The following ASAP2 variants were observed in gnomAD, a reference collection of about 807,000 sequenced individuals.
ASAP2 encodes ArfGAP with SH3 domain, ankyrin repeat and PH domain 2, also known as arf-GAP with SH3 domain, ANK repeat and PH domain-containing protein 2.
ASAP2 carries 45 observed loss-of-function variants against 131.4 expected under a neutral mutation model. The observed-to-expected ratio is 0.34, with a 90% CI of 0.27 to 0.44. The LOEUF (loss-of-function observed/expected upper bound fraction) is 0.44, where lower values mean the gene tolerates loss of function less well. ASAP2 is among the 20% of genes least tolerant of loss of function. The pLI is 1.00. For synonymous variants in ASAP2, 510 were observed against 503.0 expected (o/e 1.01, Z -0.19); for missense variants, 1,011 against 1,297.0 (o/e 0.78, Z 3.39).
At chr2:9,251,128 G>C (rs1182191512) in intron 1 of ASAP2, among the ~76,000 whole-genome samples, 2 of 152,232 alleles carry the variant, frequency 1.3e-5, no homozygotes, top group African/African-American at 4.8e-5. Context: ...GACGGGAGTG[G>C]AGCGTGGAGG....
At chr2:9,212,660 G>A (rs757525385) in intron 1 of ASAP2, among the ~76,000 whole-genome samples, 1 of 152,096 alleles carries the variant, frequency 6.6e-6, no homozygotes, top group Non-Finnish European at 1.5e-5. Flanking sequence ...GCATATACAT[G>A]CATTCCAGGC....
rs1233263121 is a variant in ASAP2 at position 9,400,048 on chromosome 2, A to G, written c.2710A>G (p.Asn904Asp). ...PGADKSTPLT[N>D]KGQPRGPVDL... The stretch of plus-strand genomic sequence containing the variant: ...GGCTGACAAGTCCACCCCACTGACC[A>G]ACAAAGGCCAACCGAGAGGACCTGG... Residue 904 changes from asparagine (N) to aspartate (D), a missense_variant, in exon 25 of 28, where the codon AAC (asparagine) becomes GAC (aspartate). Physicochemically the swap from Asn to Asp is conservative, Grantham distance 23. This residue lies in a region of ASAP2 where 652 missense variants were observed against 698.9 expected (regional missense o/e 0.93). Coordinates refer to ENST00000281419, the MANE Select transcript of ASAP2 (RefSeq NM_003887.3). The G allele has an allele frequency of 6.2e-7, 1 of 1,613,326 alleles. No individual in the cohort carries two copies. The highest frequency in any genetic ancestry group is 8.5e-7 in the Non-Finnish European group (1 of 1,179,772).
intron 17 of ASAP2, 70 bp downstream of exon 17, chr2:9,375,014 C>G: frequency 7.0e-7 from 1 of 1,430,452 alleles, no homozygotes; most frequent in Non-Finnish European, 9.3e-7. Flanking sequence ...TGCCTGGGAT[C>G]CAGTACTTTA....
At chr2:9,231,783 C>T (rs1488594592) in intron 1 of ASAP2, among the ~76,000 whole-genome samples, 3 of 152,194 alleles carry the variant, frequency 2.0e-5, no homozygotes, top group Non-Finnish European at 4.4e-5. Flanking sequence ...TGTGCCGTCT[C>T]GCATGCCATC....
chr2:9,341,540 C>T (rs759332567), intron 9 of ASAP2, among the ~76,000 whole-genome samples: 7 of 152,148 alleles, frequency 4.6e-5, no homozygotes, highest in African/African-American at 9.7e-5. Flanking sequence ...GATTAATATG[C>T]GCGGCACGAA....
intron 3 of ASAP2, among the ~76,000 whole-genome samples, chr2:9,317,542 T>C (rs1669832488): frequency 7.7e-6 from 1 of 130,084 alleles, no homozygotes; most frequent in African/African-American, 3.2e-5. Context: ...ATCCACACAA[T>C]CTCTCACATC....
intron 1 of ASAP2, among the ~76,000 whole-genome samples, chr2:9,219,542 C>T (rs1368158558): frequency 6.6e-6 from 1 of 152,002 alleles, no homozygotes; most frequent in Non-Finnish European, 1.5e-5. Flanking sequence ...GAACAAAAAT[C>T]AGCCAGGAAT....
chr2:9,388,153 C>G, intron 21 of ASAP2, 141 bp from the exon 22 acceptor site: 1 of 1,047,500 alleles, frequency 9.5e-7, no homozygotes, highest in Non-Finnish European at 1.4e-6. Flanking sequence ...ACTTGTAGCT[C>G]TCAGGCAACA....
At chr2:9,270,785 ATTTTTTTTTT>A (rs35913703) in intron 1 of ASAP2, among the ~76,000 whole-genome samples, 5 of 52,928 alleles carry the variant, frequency 9.4e-5, no homozygotes, top group Non-Finnish European at 1.7e-4. Flanking sequence ...AATTGTTTTC[ATTTTTTTTTT>A]TTTTTTTTTT....
intron 2 of ASAP2, among the ~76,000 whole-genome samples, chr2:9,293,862 T>C (rs1667979983): frequency 1.3e-5 from 2 of 152,184 alleles, no homozygotes; most frequent in African/African-American, 4.8e-5. Flanking sequence ...AAGACAGTGC[T>C]GATTGCAGTG....
rs529530220 is a variant in ASAP2, at chr2:9,395,836, T to A, written c.2684+2189T>A. 3.9e-5 allele frequency among the ~76,000 whole-genome samples: 6 copies of A among 152,132 alleles called. No homozygotes were observed. The East Asian group carries it at 1.2e-3, about 30-fold the overall frequency. ...GTTAGCCAGGATGGTCTCAATCTCCTGACCTCGTGATCTGCCCTCCTCGGC... is the reference window on the plus strand; with the variant it reads ...GTTAGCCAGGATGGTCTCAATCTCCAGACCTCGTGATCTGCCCTCCTCGGC... On this transcript the variant is annotated intron_variant, in intron 24 of 27. Coordinates refer to ENST00000281419, the MANE Select transcript of ASAP2 (RefSeq NM_003887.3).
At chr2:9,334,969 A>T in intron 8 of ASAP2, 124 bp from the exon 9 acceptor site, 1 of 1,332,806 alleles carries the variant, frequency 7.5e-7, no homozygotes, top group Non-Finnish European at 1.1e-6. Context: ...GTGGGAGGGA[A>T]GGTTTGACCA....
intron 2 of ASAP2, among the ~76,000 whole-genome samples, chr2:9,294,251 G>C (rs770688632): frequency 3.9e-5 from 6 of 151,924 alleles, no homozygotes; most frequent in African/African-American, 1.5e-4. Flanking sequence ...CACCTGTCTC[G>C]GCCTCCCAAA....
chr2:9,403,228 C>T (rs775844483), intron 27 of ASAP2, 25 bp from the exon 28 acceptor site: 3 of 1,608,416 alleles, frequency 1.9e-6, no homozygotes, highest in South Asian at 1.1e-5. Context: ...ATTTTAATAA[C>T]AACCTACACT....
At chr2:9,256,501 G>A (rs1032546292) in intron 1 of ASAP2, among the ~76,000 whole-genome samples, 1 of 152,220 alleles carries the variant, frequency 6.6e-6, no homozygotes, top group Non-Finnish European at 1.5e-5. Flanking sequence ...AGGACTGCAA[G>A]GAGATATTAG....
At chr2:9,284,557 A>T (rs188066547) in intron 2 of ASAP2, among the ~76,000 whole-genome samples, 51 of 152,330 alleles carry the variant, frequency 3.3e-4, no homozygotes, top group Admixed American at 2.9e-3. Context: ...CAATTTCCTC[A>T]TGTGTAAAAT....
intron 5 of ASAP2, among the ~76,000 whole-genome samples, chr2:9,322,488 G>T (rs575500714): frequency 6.6e-6 from 1 of 150,848 alleles, no homozygotes; most frequent in Non-Finnish European, 1.5e-5. Context: ...AAAAACTCAC[G>T]GCTATTTCAA....
chr2:9,306,815 C>T (rs1558315463), intron 3 of ASAP2, among the ~76,000 whole-genome samples: 1 of 150,434 alleles, frequency 6.6e-6, no homozygotes, highest in African/African-American at 2.4e-5. Context: ...CATATCAGTG[C>T]CCATATACTC....
chr2:9,295,268 A>T (rs1250338505), intron 2 of ASAP2, among the ~76,000 whole-genome samples: 1 of 152,242 alleles, frequency 6.6e-6, no homozygotes, highest in Admixed American at 6.5e-5. Flanking sequence ...CAGCTCTGCC[A>T]CTTTCTGTGT....
Sources: allele counts gnomAD v4.1 joint callset (sites outside exome capture counted in the v4.1 genomes callset), GRCh38; gene constraint gnomAD v4.1.1; regional missense constraint gnomAD v4.1.1; transcripts MANE v1.5; gene names NCBI Gene and HGNC (gene_info 2026-07-23, HGNC 2026-07-21).